Variants in MGAM observed in about 807,000 individuals in gnomAD.
The protein encoded by MGAM is maltase-glucoamylase, also known as alpha-1,4-glucosidase.
MGAM carries 253 observed loss-of-function variants against 358.8 expected under a neutral mutation model. The ratio of observed to expected loss-of-function variants is 0.71; its 90% confidence interval spans 0.64 to 0.78. MGAM has a LOEUF of 0.78. Ranked by LOEUF, MGAM falls within the 30% of genes least tolerant of loss-of-function variation. The pLI is 0.00. For synonymous variants in MGAM, 1,105 were observed against 1,227.1 expected, an observed-to-expected ratio of 0.90 and a Z score of 2.08; for missense variants, 3,080 against 3,432.6, an observed-to-expected ratio of 0.90 and a Z score of 2.57.
intron 60 of MGAM, 58 bp from the exon 61 acceptor site, chr7:142,094,306 C>G (rs1358318964): frequency 6.7e-7 from 1 of 1,481,914 alleles, no homozygotes; most frequent in Non-Finnish European, 9.2e-7. Context: ...AGCAGATGCT[C>G]TATGGCCTTT....
At chr7:142,027,073 A>G (rs374895363) in intron 8 of MGAM, 42 bp from the exon 9 acceptor site, 9 of 1,437,918 alleles carry the variant, frequency 6.3e-6, no homozygotes, top group Non-Finnish European at 7.8e-6. Context: ...CTATTCAAGA[A>G]TCAATTCTGA....
chr7:142,050,393 CATT>C, intron 23 of MGAM, 109 bp downstream of exon 23: 3 of 1,297,336 alleles, frequency 2.3e-6, no homozygotes, highest in Non-Finnish European at 3.3e-6. Flanking sequence ...ACTTTATATG[CATT>C]ATTGGCTATA....
In MGAM at chr7:142,068,220, A is replaced by G. The variant is rs1306409167; in HGVS notation, c.5005-427A>G. Among the ~76,000 whole-genome samples, 3 of 138,104 alleles carry G rather than the reference A, an allele frequency of 2.2e-5. 1 individual carries two copies. The highest frequency in any genetic ancestry group is 4.9e-5 in the Non-Finnish European group (3 of 61,084). 90.6% of individuals were successfully genotyped at this position (138,104 alleles called of 152,430 possible). ...CACTGTATTAGCCAGGATGGTCTCAATATCCTGACCTCATGATCTGCCTGA... is the reference window on the plus strand; with the variant it reads ...CACTGTATTAGCCAGGATGGTCTCAGTATCCTGACCTCATGATCTGCCTGA... On this transcript the variant is annotated intron_variant, in intron 42 of 70. Transcript: ENST00000475668.
At chr7:142,028,927 A>G (rs1210856017) in intron 10 of MGAM, among the ~76,000 whole-genome samples, 2 of 152,148 alleles carry the variant, frequency 1.3e-5, no homozygotes, top group Non-Finnish European at 2.9e-5. Flanking sequence ...AAAAAGTGGT[A>G]AAAGCAGGAC....
intron 57 of MGAM, among the ~76,000 whole-genome samples, chr7:142,091,616 G>C (rs1281252314): frequency 6.8e-6 from 1 of 146,166 alleles, no homozygotes. Flanking sequence ...CTGACATTGA[G>C]GGTTGGGCAT....
At chr7:142,029,557 G>C (rs984308813) in intron 10 of MGAM, among the ~76,000 whole-genome samples, 39 of 152,168 alleles carry the variant, frequency 2.6e-4, no homozygotes, top group African/African-American at 8.9e-4. Flanking sequence ...CTGCTGCCTA[G>C]TGGTGTGAGA....
chr7:141,988,510 G>A (rs1173903938), intron 2 of MGAM, among the ~76,000 whole-genome samples: 7 of 151,900 alleles, frequency 4.6e-5, no homozygotes, highest in South Asian at 2.1e-4. Flanking sequence ...GATAACAGGC[G>A]CCCGCCACCA....
At chr7:142,085,009 A>G (rs1263489403) in intron 54 of MGAM, among the ~76,000 whole-genome samples, 1 of 146,754 alleles carries the variant, frequency 6.8e-6, no homozygotes, top group Non-Finnish European at 1.5e-5. Context: ...CCTGAAAAAA[A>G]CTAACCCCAA....
chr7:142,042,983 A>C (rs1477984432), intron 21 of MGAM, among the ~76,000 whole-genome samples: 8 of 77,988 alleles, frequency 1.0e-4, no homozygotes, highest in African/African-American at 3.4e-4. Flanking sequence ...TAATATATAT[A>C]TTATATATAC....
chr7:142,074,734 G>T (rs1168962635), intron 45 of MGAM, among the ~76,000 whole-genome samples: 1 of 146,324 alleles, frequency 6.8e-6, no homozygotes, highest in African/African-American at 2.4e-5. Context: ...AAAAACAATG[G>T]CTTGGCCTTG....
At chr7:142,033,014 T>C (rs1807654296) in intron 14 of MGAM, 105 bp downstream of exon 14, 1 of 675,500 alleles carries the variant, frequency 1.5e-6, no homozygotes, top group Non-Finnish European at 2.4e-6. Flanking sequence ...TTCATAATTG[T>C]GCATAGAAAA....
In MGAM at chr7:142,066,478, G is replaced by A; in HGVS notation, c.4771-95G>A. The A allele has an allele frequency of 2.2e-6, 3 of 1,363,710 alleles. 1 individual carries two copies. The South Asian group carries it at 3.8e-5, about 17-fold the overall frequency. 84.5% of individuals were successfully genotyped at this position (1,363,710 alleles called of 1,614,324 possible). A position where few individuals can be genotyped will look rare whatever the true frequency, so the allele number is the denominator to read the frequency against. ...GTATAGTTTTCTTTTGTTTAGCTGT[G>A]AGTGATCTTCAATTGGAGTATGCTT... On this transcript the variant is annotated intron_variant, in intron 40 of 70. Transcript: ENST00000475668.
chr7:142,050,610 C>A, intron 23 of MGAM, 87 bp from the exon 24 acceptor site: 1 of 1,358,476 alleles, frequency 7.4e-7, no homozygotes, highest in East Asian at 2.4e-5. Flanking sequence ...TGGGGGGTAT[C>A]CGGTCTGGAA....
chr7:142,015,118 T>C (rs1805875240), intron 3 of MGAM, among the ~76,000 whole-genome samples: 1 of 152,110 alleles, frequency 6.6e-6, no homozygotes, highest in African/African-American at 2.4e-5. Flanking sequence ...TAGTGTTCTG[T>C]TGTGGTTTCA....
At chr7:142,071,228 A>T in intron 44 of MGAM, 110 bp downstream of exon 44, 2 of 1,247,426 alleles carry the variant, frequency 1.6e-6, no homozygotes, top group Non-Finnish European at 1.1e-6. Flanking sequence ...AATTCTACTC[A>T]ACACTTGTTT....
chr7:142,066,610 A>G lies in MGAM; in HGVS notation c.4808A>G (p.Asn1603Ser), dbSNP rs757181568. ...DPVSWDAAFV[N>S]ISRNVLQTRY... The stretch of plus-strand genomic sequence containing the variant: ...GTGTCCTGGGATGCTGCTTTTGTGA[A>G]TATTTCCAGAAATGTCCTGCAGACC... The change falls in exon 41 of 71, where the codon AAT becomes AGT. Residue 1603 changes from asparagine to serine, a missense_variant. Asn to Ser is a conservative substitution (Grantham distance 46). Around this residue, in one of 5 missense-constraint regions of MGAM, gnomAD observed 134 missense variants for 198.4 expected, o/e 0.68. Coordinates refer to ENST00000475668, the MANE Select transcript of MGAM (RefSeq NM_001365693.1). 10 of 1,555,520 alleles carry G rather than the reference A, an allele frequency of 6.4e-6. 1 individual carries two copies. The highest frequency in any genetic ancestry group is 8.8e-6 in the Non-Finnish European group (10 of 1,132,512).
rs1300239368 is a variant in MGAM at position 142,008,664 on chromosome 7, T to C, written c.286T>C (p.Leu96=). Residue 96 remains leucine (L), a synonymous_variant, in exon 3 of 71, where the codon TTG becomes CTG. Transcript: ENST00000475668. ...VSAECPVVNE[L]ERINCIPDQP... ...TGCTGAATGTCCAGTGGTAAATGAA[T>C]TGGAACGAATTAATTGCATCCCTGA... 6.2e-7 allele frequency: 1 copy of C among 1,613,324 alleles called. No individual in the cohort carries two copies. Among genetic ancestry groups the C allele is most frequent in the Non-Finnish European group, 8.5e-7 (1 of 1,179,578 alleles).
intron 30 of MGAM, among the ~76,000 whole-genome samples, chr7:142,057,372 C>T (rs1163736023): frequency 3.4e-5 from 5 of 146,660 alleles, no homozygotes; most frequent in African/African-American, 1.3e-4. Flanking sequence ...GTGATGGTGA[C>T]AAGGGTGGGG....
rs768328742 is a variant in MGAM, at chr7:142,058,192, C to G, written c.3694-11C>G. On this transcript the variant is annotated splice_polypyrimidine_tract_variant and intron_variant, in intron 30 of 70. Transcript: ENST00000475668. ...TGTTCTGAAGACTAATATTTTCTGT[C>G]TATTTTCTAGTTGATTGGCCGGCCT... 6 of 1,613,574 alleles carry G rather than the reference C, an allele frequency of 3.7e-6. No individual in the cohort carries two copies. Among genetic ancestry groups the G allele is most frequent in the Non-Finnish European group, 5.1e-6 (6 of 1,179,738 alleles).
Sources: allele counts gnomAD v4.1 joint callset (sites outside exome capture counted in the v4.1 genomes callset), GRCh38; gene constraint gnomAD v4.1.1; regional missense constraint gnomAD v4.1.1; transcripts MANE v1.5; gene names NCBI Gene and HGNC (gene_info 2026-07-23, HGNC 2026-07-21).